Variants in GNAO1 observed in about 807,000 individuals in gnomAD.
GNAO1 encodes guanine nucleotide-binding protein G(o) subunit alpha.
For synonymous variants in GNAO1, 164 were observed against 180.7 expected, an observed-to-expected ratio of 0.91 and a Z score of 0.74; for missense variants, 166 against 478.7, an observed-to-expected ratio of 0.35 and a Z score of 6.10.
At chr16:56,203,720 T>C (rs1466982418) in intron 2 of GNAO1, among the ~76,000 whole-genome samples, 1 of 152,210 alleles carries the variant, frequency 6.6e-6, no homozygotes, top group East Asian at 1.9e-4. Flanking sequence ...TTCTGTCCCT[T>C]ATGACCAAGA....
chr16:56,191,685 G>A lies in GNAO1; in HGVS notation c.-551G>A, dbSNP rs2036173662. 1 of 154,966 alleles carries A rather than the reference G, an allele frequency of 6.5e-6. No homozygotes were observed. Among genetic ancestry groups the A allele is most frequent in the Non-Finnish European group, 1.4e-5 (1 of 69,680 alleles). The allele number at this position is 154,966 out of a possible 1,614,324, so 9.6% of individuals were successfully genotyped here. On this transcript the variant is annotated 5_prime_UTR_variant, in exon 1 of 9. Transcript: ENST00000262493. This position sits in a 1 kb window ranked among gnomAD's most constrained non-coding sequence, Gnocchi z 4.7. ...TCGGCGAAGGCGCCGCGGACGCACCGACGGCTGAAGAGCGGCGATGCACAT... is the reference window on the plus strand; with the variant it reads ...TCGGCGAAGGCGCCGCGGACGCACCAACGGCTGAAGAGCGGCGATGCACAT...
intron 2 of GNAO1, among the ~76,000 whole-genome samples, chr16:56,228,085 G>A (rs116618840): frequency 1.3e-5 from 2 of 152,300 alleles, no homozygotes; most frequent in African/African-American, 2.4e-5. Flanking sequence ...CTCACCCCAC[G>A]GTTGGCATGA....
At chr16:56,194,505 C>T in intron 2 of GNAO1, 1 of 316,882 alleles carries the variant, frequency 3.2e-6, no homozygotes, top group Non-Finnish European at 6.3e-6. Context: ...CCAGCCGAGG[C>T]CGGAAAAGTC....
intron 4 of GNAO1, among the ~76,000 whole-genome samples, chr16:56,329,616 C>G (rs3790106): frequency 0.19 from 28,511 of 152,220 alleles, 3,039 homozygotes; most frequent in African/African-American, 0.29. Context: ...CATGGAGATA[C>G]TGGGATTGCC....
chr16:56,264,735 A>G (rs2036935343), intron 2 of GNAO1, among the ~76,000 whole-genome samples: 1 of 149,094 alleles, frequency 6.7e-6, no homozygotes, highest in Admixed American at 6.7e-5. Flanking sequence ...AGTATTAAAA[A>G]TATAGTATTA....
intron 2 of GNAO1, among the ~76,000 whole-genome samples, chr16:56,208,527 G>C (rs568125008): frequency 6.6e-6 from 1 of 152,180 alleles, no homozygotes; most frequent in South Asian, 2.1e-4. Flanking sequence ...GAATTGCTGG[G>C]AATCTTCAAC....
chr16:56,309,750 G>C (rs567663118), intron 3 of GNAO1, among the ~76,000 whole-genome samples: 7 of 152,198 alleles, frequency 4.6e-5, no homozygotes, highest in Non-Finnish European at 2.9e-5. Flanking sequence ...GCTCCTGTGC[G>C]TGCCGCTCTG....
intron 3 of GNAO1, among the ~76,000 whole-genome samples, chr16:56,284,157 T>C (rs2037141384): frequency 6.6e-6 from 1 of 152,238 alleles, no homozygotes; most frequent in South Asian, 2.1e-4. Context: ...CCTGGGGAAG[T>C]GCACAAGATG....
chr16:56,194,174 T>C, intron 2 of GNAO1: 1 of 456,532 alleles, frequency 2.2e-6, no homozygotes, highest in Non-Finnish European at 4.4e-6. Context: ...TCCCTGGGGC[T>C]TTCTTCGCAG....
chr16:56,345,685 G>C (rs1374748301), intron 6 of GNAO1: 5 of 985,434 alleles, frequency 5.1e-6, no homozygotes, highest in Non-Finnish European at 4.8e-6. Context: ...GCAGAGGACA[G>C]GCCCTGGGAA....
At chr16:56,255,439 A>G (rs2036837717) in intron 2 of GNAO1, 1 of 152,208 alleles carries the variant, frequency 6.6e-6, no homozygotes, top group South Asian at 2.1e-4. Context: ...TGAGTAGTGT[A>G]TACATGGTAT....
chr16:56,268,881 T>G (rs1465845402), intron 2 of GNAO1, among the ~76,000 whole-genome samples: 1 of 152,200 alleles, frequency 6.6e-6, no homozygotes, highest in Non-Finnish European at 1.5e-5. Flanking sequence ...GCATGTGGCT[T>G]CTTCCCTCAC....
At chr16:56,256,825 C>G (rs1314725616) in intron 2 of GNAO1, among the ~76,000 whole-genome samples, 2 of 151,672 alleles carry the variant, frequency 1.3e-5, no homozygotes, top group Non-Finnish European at 2.9e-5. Flanking sequence ...CTCCCCATTA[C>G]TCTTTGTCTA....
intron 6 of GNAO1, among the ~76,000 whole-genome samples, chr16:56,339,076 G>C (rs1421416233): frequency 6.6e-6 from 1 of 152,246 alleles, no homozygotes; most frequent in African/African-American, 2.4e-5. Context: ...CAGGGAATGG[G>C]GATGACTTTG....
At chr16:56,345,327 G>A in intron 6 of GNAO1, 1 of 985,522 alleles carries the variant, frequency 1.0e-6, no homozygotes, top group Non-Finnish European at 1.2e-6. Flanking sequence ...CCCACTGACA[G>A]GCCTCTGCCT....
At chr16:56,237,606 CAT>C (rs1410795290) in intron 2 of GNAO1, among the ~76,000 whole-genome samples, 3 of 152,186 alleles carry the variant, frequency 2.0e-5, no homozygotes, top group Non-Finnish European at 4.4e-5. Context: ...ATTCTCCCCC[CAT>C]GTGTTTTTGG....
In GNAO1 at chr16:56,296,251, GTGT is replaced by G. The variant is rs61159788; in HGVS notation, c.303+20183_303+20185del. Among the ~76,000 whole-genome samples, 1,121 of 152,266 alleles carry G rather than the reference GTGT, an allele frequency of 7.4e-3. 12 individuals are homozygous for G. Among genetic ancestry groups the G allele is most frequent in the African/African-American group, 0.025 (1,030 of 41,526 alleles). The stretch of plus-strand genomic sequence containing the variant: ...TCTTGGGGTGGGGGCAGGCACACTG[GTGT>G]TGTGTTGTGGGTTTTTTTTAGACCC... On this transcript the variant is annotated intron_variant, in intron 3 of 8. Coordinates refer to ENST00000262493, the MANE Select transcript of GNAO1 (RefSeq NM_020988.3).
intron 4 of GNAO1, among the ~76,000 whole-genome samples, chr16:56,333,561 G>A (rs2037711922): frequency 6.6e-6 from 1 of 152,166 alleles, no homozygotes; most frequent in Admixed American, 6.5e-5. Context: ...CCTGAGCCTT[G>A]GAAGCCACCC....
intron 3 of GNAO1, among the ~76,000 whole-genome samples, chr16:56,321,951 A>G (rs1389834264): frequency 6.6e-6 from 1 of 152,198 alleles, no homozygotes; most frequent in Non-Finnish European, 1.5e-5. Context: ...TACACAACAG[A>G]AATTTATTTC....
Sources: allele counts gnomAD v4.1 joint callset (sites outside exome capture counted in the v4.1 genomes callset), GRCh38; gene constraint gnomAD v4.1.1; non-coding constraint Gnocchi (gnomAD v3.1); transcripts MANE v1.5; gene names NCBI Gene and HGNC (gene_info 2026-07-23, HGNC 2026-07-21).